ATP2B2: variants seen among roughly 807,000 people sequenced by gnomAD.
ATP2B2 encodes plasma membrane calcium-transporting ATPase 2.
ATP2B2 carries 15 observed loss-of-function variants against 120.0 expected under a neutral mutation model. The ratio of observed to expected loss-of-function variants is 0.12; its 90% CI spans 0.08 to 0.19. The LOEUF (loss-of-function observed/expected upper bound fraction) is 0.19, where lower values mean the gene tolerates loss of function less well. ATP2B2 is among the 10% of genes least tolerant of loss of function. The pLI is 1.00. For synonymous variants in ATP2B2, 694 were observed against 700.3 expected, an observed-to-expected ratio of 0.99 and a Z score of 0.14; for missense variants, 1,045 against 1,719.8, an observed-to-expected ratio of 0.61 and a Z score of 6.94.
At chr3:10,582,416 G>A (rs2068412185) in intron 2 of ATP2B2, among the ~76,000 whole-genome samples, 1 of 152,226 alleles carries the variant, frequency 6.6e-6, no homozygotes, top group South Asian at 2.1e-4. Context: ...ATACCTGCCT[G>A]CACTGTGCCC....
At chr3:10,412,139 C>T (rs914830556) in intron 2 of ATP2B2, among the ~76,000 whole-genome samples, 2 of 152,250 alleles carry the variant, frequency 1.3e-5, no homozygotes, top group African/African-American at 4.8e-5. Flanking sequence ...TTCCTCCTGC[C>T]ACACTGTGCC....
In ATP2B2 at chr3:10,342,664, G is replaced by A; in HGVS notation, c.2917+88C>T. The A allele has an allele frequency of 2.0e-6, 3 of 1,487,206 alleles. No individual in the cohort carries two copies. The highest frequency in any genetic ancestry group is 1.9e-6 in the Non-Finnish European group (2 of 1,075,388). The allele number at this position is 1,487,206 out of a possible 1,614,324, so 92.1% of individuals were successfully genotyped here. A position where few individuals can be genotyped will look rare whatever the true frequency, so the allele number is the denominator to read the frequency against. ...CCCATTAGCAAAACAGGAGGGGGTT[G>A]TGACTCGAGAATGCTGGGTGAGAGC... On this transcript the variant is annotated intron_variant, in intron 19 of 22. Transcript: ENST00000360273. The surrounding 1 kb of genome is among the most constrained non-coding windows in gnomAD (Gnocchi z 4.4).
intron 3 of ATP2B2, among the ~76,000 whole-genome samples, chr3:10,525,093 C>T (rs551380033): frequency 6.6e-6 from 1 of 152,258 alleles, no homozygotes; most frequent in African/African-American, 2.4e-5. Flanking sequence ...AACTGGTTTT[C>T]AACAAACAGC....
chr3:10,652,090 C>A (rs549979217), intron 1 of ATP2B2, among the ~76,000 whole-genome samples: 1 of 152,142 alleles, frequency 6.6e-6, no homozygotes, highest in African/African-American at 2.4e-5. Context: ...GGAGACTATT[C>A]TATTCCAGAT....
At chr3:10,490,163 G>A (rs1425354671) in intron 1 of ATP2B2, among the ~76,000 whole-genome samples, 6 of 152,204 alleles carry the variant, frequency 3.9e-5, no homozygotes, top group African/African-American at 1.4e-4. Flanking sequence ...CTCCAGCCTG[G>A]CTGTTATTAC....
chr3:10,704,443 A>G (rs1035345846), intron 1 of ATP2B2, among the ~76,000 whole-genome samples: 23 of 152,134 alleles, frequency 1.5e-4, no homozygotes, highest in Admixed American at 1.2e-3. Context: ...TGTGGGACCC[A>G]GTACAAAATA....
At chr3:10,590,304 T>C (rs1021895924) in intron 2 of ATP2B2, among the ~76,000 whole-genome samples, 8 of 152,146 alleles carry the variant, frequency 5.3e-5, no homozygotes, top group East Asian at 1.9e-4. Context: ...AGGGGTAAAT[T>C]TGGGGGGTAA....
At chr3:10,388,093 C>A in intron 6 of ATP2B2, 184 bp downstream of exon 6, 2 of 796,488 alleles carry the variant, frequency 2.5e-6, no homozygotes, top group South Asian at 2.9e-5. Flanking sequence ...GGGACAAGAC[C>A]TGGAGATGGA....
At chr3:10,330,246 G>A (rs1447316727) in intron 22 of ATP2B2, 1 of 154,752 alleles carries the variant, frequency 6.5e-6, no homozygotes, top group Non-Finnish European at 1.5e-5. Flanking sequence ...GAGTCTTCAA[G>A]GCTAGTGGAA....
At chr3:10,578,769 G>A (rs1448552293) in intron 2 of ATP2B2, among the ~76,000 whole-genome samples, 5 of 152,152 alleles carry the variant, frequency 3.3e-5, no homozygotes, top group African/African-American at 1.2e-4. Context: ...CATGGGTGAT[G>A]GATGAATCTC....
chr3:10,401,277 G>A (rs920471423), intron 4 of ATP2B2, among the ~76,000 whole-genome samples, 199 bp from the exon 5 acceptor site: 4 of 152,198 alleles, frequency 2.6e-5, no homozygotes, highest in South Asian at 2.1e-4. Flanking sequence ...CACAGCACAA[G>A]GCCTGGAGGG....
chr3:10,524,573 T>G (rs535430578), intron 3 of ATP2B2, among the ~76,000 whole-genome samples: 2 of 152,322 alleles, frequency 1.3e-5, no homozygotes, highest in African/African-American at 4.8e-5. Context: ...GCCAGTCTTA[T>G]GGCTTTGTCC....
chr3:10,693,389 T>C (rs192741517), intron 1 of ATP2B2, among the ~76,000 whole-genome samples: 226 of 152,330 alleles, frequency 1.5e-3, no homozygotes, highest in African/African-American at 5.0e-3. Flanking sequence ...GTGCCTCCTA[T>C]GTGACAGGCC....
At chr3:10,645,613 A>G (rs912696540) in intron 1 of ATP2B2, among the ~76,000 whole-genome samples, 1 of 152,152 alleles carries the variant, frequency 6.6e-6, no homozygotes, top group Non-Finnish European at 1.5e-5. Context: ...GATTTCACCC[A>G]AAAAAAGTCA....
intron 2 of ATP2B2, among the ~76,000 whole-genome samples, chr3:10,559,776 C>G (rs776898000): frequency 6.6e-6 from 1 of 152,228 alleles, no homozygotes; most frequent in Non-Finnish European, 1.5e-5. Flanking sequence ...CAAGGAGACA[C>G]AAGTTCCACC....
At chr3:10,458,807 T>C (rs2064367886) in intron 1 of ATP2B2, among the ~76,000 whole-genome samples, 1 of 152,236 alleles carries the variant, frequency 6.6e-6, no homozygotes, top group Non-Finnish European at 1.5e-5. Flanking sequence ...GCCACGGCCA[T>C]ATGGGTAGGA....
At chr3:10,589,110 T>G (rs982091510) in intron 2 of ATP2B2, among the ~76,000 whole-genome samples, 2 of 151,862 alleles carry the variant, frequency 1.3e-5, no homozygotes, top group Non-Finnish European at 2.9e-5. Context: ...GACCTGTAGG[T>G]GGGGATGGGT....
chr3:10,336,227 C>T, intron 22 of ATP2B2: 1 of 1,550,634 alleles, frequency 6.4e-7, no homozygotes, highest in Non-Finnish European at 8.7e-7. Context: ...CTGGCTCTGG[C>T]TGGTGACCGA....
chr3:10,492,962 G>A lies in ATP2B2; in HGVS notation c.-320+12503C>T, dbSNP rs74447615. Among the ~76,000 whole-genome samples the A allele has an allele frequency of 5.2e-3, 787 of 152,280 alleles. 11 individuals carry two copies. The highest frequency in any genetic ancestry group is 0.018 in the African/African-American group (747 of 41,536). On this transcript the variant is annotated intron_variant, in intron 1 of 22. Transcript: ENST00000360273. Reference sequence around the variant, plus strand: ...TCCCACTACCTCCCTCGAGAGAAGGGCTGTTCTGGGTTTATTCTTGCCTCC... The same window carrying A: ...TCCCACTACCTCCCTCGAGAGAAGGACTGTTCTGGGTTTATTCTTGCCTCC...
Sources: gnomAD v4.1 joint callset for allele counts (sites outside exome capture counted in the v4.1 genomes callset) on GRCh38, gnomAD v4.1.1 for gene constraint, Gnocchi (gnomAD v3.1) non-coding constraint, MANE v1.5 for transcripts, NCBI Gene and HGNC (gene_info 2026-07-23, HGNC 2026-07-21) for gene names.